TBC1D32: variants seen among roughly 807,000 people sequenced by gnomAD.
The protein encoded by TBC1D32 is protein broad-minded.
A neutral mutation model predicts 170.3 loss-of-function variants in TBC1D32; 151 were observed. The observed-to-expected ratio is 0.89, with a 90% CI of 0.78 to 1.01. The LOEUF (loss-of-function observed/expected upper bound fraction) is 1.01, where lower values mean the gene tolerates loss of function less well. Ranked by LOEUF, TBC1D32 falls within the 50% of genes least tolerant of loss-of-function variation. TBC1D32 has a pLI of 0.00. For missense variants in TBC1D32, 1,464 were observed against 1,457.1 expected (o/e 1.00, Z -0.08); for synonymous variants, 498 against 488.0 (o/e 1.02, Z -0.27).
rs1294073078 is a variant in TBC1D32, at chr6:121,331,586, A to G, written c.155+2690T>C. On this transcript the variant is annotated intron_variant, in intron 1 of 31. Transcript: ENST00000398212. ...TACAGGTCAACATCACTTGGATTTAACGAATCAATGTTCTAATAGTGGAGG... is the reference window on the plus strand; with the variant it reads ...TACAGGTCAACATCACTTGGATTTAGCGAATCAATGTTCTAATAGTGGAGG... Among the ~76,000 whole-genome samples the G allele has an allele frequency of 2.0e-5, 3 of 152,146 alleles. No individual in the cohort carries two copies. The East Asian group carries it at 5.8e-4, about 29-fold the overall frequency.
At chr6:121,161,987 A>C (rs1487623999) in intron 22 of TBC1D32, among the ~76,000 whole-genome samples, 3 of 152,146 alleles carry the variant, frequency 2.0e-5, no homozygotes, top group Non-Finnish European at 4.4e-5. Context: ...TCTTCTTTTG[A>C]GAAGCATCTG....
intron 22 of TBC1D32, among the ~76,000 whole-genome samples, chr6:121,204,804 A>C (rs1389647176): frequency 6.6e-6 from 1 of 151,748 alleles, no homozygotes; most frequent in Non-Finnish European, 1.5e-5. Flanking sequence ...TCCTGAGTAC[A>C]CTAAATGAAA....
intron 17 of TBC1D32, among the ~76,000 whole-genome samples, chr6:121,252,119 T>C (rs1798376305): frequency 6.6e-6 from 1 of 152,156 alleles, no homozygotes; most frequent in Admixed American, 6.5e-5. Context: ...TTTTACACTG[T>C]TGGCGGGAGT....
chr6:121,238,969 A>G (rs1000125846), intron 20 of TBC1D32, 101 bp downstream of exon 20: 11 of 542,502 alleles, frequency 2.0e-5, no homozygotes, highest in Non-Finnish European at 3.3e-6. Flanking sequence ...AATATATTAA[A>G]AAGTCTGCTG....
chr6:121,294,545 A>C (rs948992292), intron 11 of TBC1D32, 25 bp downstream of exon 11: 2 of 1,549,786 alleles, frequency 1.3e-6, no homozygotes, highest in Admixed American at 3.8e-5. Context: ...TTTTAAAAGT[A>C]TGTAATAGAG....
intron 5 of TBC1D32, among the ~76,000 whole-genome samples, chr6:121,307,184 G>C (rs1807451706): frequency 6.6e-6 from 1 of 151,796 alleles, no homozygotes; most frequent in Non-Finnish European, 1.5e-5. Flanking sequence ...AGACCAGCCT[G>C]GGCAATGTGG....
chr6:121,093,378 T>A (rs1777041695), intron 30 of TBC1D32, among the ~76,000 whole-genome samples: 1 of 152,174 alleles, frequency 6.6e-6, no homozygotes, highest in Non-Finnish European at 1.5e-5. Flanking sequence ...AATTGCCTGT[T>A]GCCCTGCTGC....
intron 24 of TBC1D32, among the ~76,000 whole-genome samples, chr6:121,133,689 A>T (rs59444627): frequency 0.012 from 1,887 of 152,206 alleles, 37 homozygotes; most frequent in African/African-American, 0.043. Context: ...ATACAAACAC[A>T]TGAATACACA....
Position 121,269,406 on chromosome 6 carries a change from G to A in TBC1D32, c.1733+9715C>T, listed in dbSNP as rs1266646201. Among the ~76,000 whole-genome samples, 3 of 151,492 alleles carry A rather than the reference G, an allele frequency of 2.0e-5. 1 individual carries two copies. The highest frequency in any genetic ancestry group is 7.3e-5 in the African/African-American group (3 of 41,308). On this transcript the variant is annotated intron_variant, in intron 15 of 31. Coordinates refer to ENST00000398212, the MANE Select transcript of TBC1D32 (RefSeq NM_152730.6). ...GACACACATAGGCTGAAAATAAAGG[G>A]ATGGAGGAAGATCTACCAAGCAAAT...
At chr6:121,255,230 G>A in intron 17 of TBC1D32, 98 bp downstream of exon 17, 1 of 655,984 alleles carries the variant, frequency 1.5e-6, no homozygotes, top group Non-Finnish European at 2.4e-6. Context: ...TTACCATCCT[G>A]TAAAACATTT....
At chr6:121,240,394 ACATGTTT>A (rs1796817256) in intron 19 of TBC1D32, among the ~76,000 whole-genome samples, 1 of 106,978 alleles carries the variant, frequency 9.3e-6, no homozygotes, top group African/African-American at 3.3e-5. Context: ...TTACCAAGAA[ACATGTTT>A]CATAATACAA....
intron 22 of TBC1D32, among the ~76,000 whole-genome samples, chr6:121,185,177 A>G (rs1300807469): frequency 6.6e-6 from 1 of 152,052 alleles, no homozygotes; most frequent in Admixed American, 6.6e-5. Context: ...TGCTACTTCA[A>G]AATTTTCCCT....
intron 17 of TBC1D32, 100 bp downstream of exon 17, chr6:121,255,228 C>T (rs1368686428): frequency 8.1e-6 from 5 of 620,912 alleles, no homozygotes; most frequent in Non-Finnish European, 1.0e-5. Flanking sequence ...ATTTACCATC[C>T]TGTAAAACAT....
At chr6:121,234,302 T>C (rs1000519619) in intron 20 of TBC1D32, among the ~76,000 whole-genome samples, 1 of 152,170 alleles carries the variant, frequency 6.6e-6, no homozygotes, top group African/African-American at 2.4e-5. Context: ...TTACCTCAAA[T>C]ATGTTTTCCA....
At chr6:121,273,033 C>T (rs1234729951) in intron 15 of TBC1D32, among the ~76,000 whole-genome samples, 1 of 151,990 alleles carries the variant, frequency 6.6e-6, no homozygotes, top group South Asian at 2.1e-4. Flanking sequence ...ACTGCATGTT[C>T]TCACTCATAG....
chr6:121,314,973 C>T (rs554182127), intron 3 of TBC1D32, among the ~76,000 whole-genome samples: 19 of 152,224 alleles, frequency 1.2e-4, no homozygotes, highest in Non-Finnish European at 2.2e-4. Flanking sequence ...ATCTTCTCAA[C>T]ATCCCTATAC....
intron 21 of TBC1D32, among the ~76,000 whole-genome samples, chr6:121,213,609 CAAT>C (rs1793433769): frequency 6.6e-6 from 1 of 151,344 alleles, no homozygotes; most frequent in Non-Finnish European, 1.5e-5. Context: ...AAGAACTCTA[CAAT>C]GAGAATTACA....
intron 26 of TBC1D32, among the ~76,000 whole-genome samples, chr6:121,118,082 T>G (rs1779870145): frequency 6.6e-6 from 1 of 152,078 alleles, no homozygotes; most frequent in South Asian, 2.1e-4. Flanking sequence ...ACATACTTAA[T>G]AAACAATGAA....
At chr6:121,233,422 A>G (rs1258051668) in intron 20 of TBC1D32, among the ~76,000 whole-genome samples, 2 of 152,046 alleles carry the variant, frequency 1.3e-5, no homozygotes, top group Non-Finnish European at 2.9e-5. Context: ...TAGGATTTTG[A>G]TATTTTCCTG....
Sources: gnomAD v4.1 joint callset for allele counts (sites outside exome capture counted in the v4.1 genomes callset) on GRCh38, gnomAD v4.1.1 for gene constraint, MANE v1.5 for transcripts, NCBI Gene and HGNC (gene_info 2026-07-23, HGNC 2026-07-21) for gene names.